The following PYHIN1 variants were observed in gnomAD, a reference collection of about 807,000 sequenced individuals.
The protein encoded by PYHIN1 is pyrin and HIN domain family member 1.
Under a neutral mutation model 43.7 loss-of-function variants are expected in PYHIN1, and 32 were observed. The ratio of observed to expected loss-of-function variants is 0.73; its 90% CI spans 0.55 to 0.98. The LOEUF (loss-of-function observed/expected upper bound fraction) is 0.98. Ranked by LOEUF, PYHIN1 falls within the 50% of genes least tolerant of loss-of-function variation. The pLI, the probability that PYHIN1 is intolerant of heterozygous loss-of-function variation, is 0.00. For missense variants in PYHIN1, 588 were observed against 589.5 expected, an observed-to-expected ratio of 1.00 and a Z score of 0.03; for synonymous variants, 205 against 203.1, an observed-to-expected ratio of 1.01 and a Z score of -0.08.
chr1:158,955,925 C>G (rs1369947661), intron 7 of PYHIN1, among the ~76,000 whole-genome samples: 1 of 92,240 alleles, frequency 1.1e-5, no homozygotes, highest in Middle Eastern at 4.5e-3. Context: ...GGGGATATCA[C>G]CACCGATCCC....
the PYHIN1 span, among the ~76,000 whole-genome samples, chr1:158,985,806 G>C: frequency 6.6e-6 from 1 of 151,978 alleles, no homozygotes; most frequent in Non-Finnish European, 1.5e-5. Context: ...TGTAGGTTTG[G>C]TCTCTTTACA....
intron 7 of PYHIN1, among the ~76,000 whole-genome samples, chr1:158,967,338 A>C (rs1206561120): frequency 1.3e-5 from 2 of 152,142 alleles, no homozygotes; most frequent in East Asian, 1.9e-4. Context: ...TTCATTTTTT[A>C]CATAAGGAAA....
chr1:158,970,844 A>G (rs1650893807), intron 7 of PYHIN1, among the ~76,000 whole-genome samples: 1 of 152,052 alleles, frequency 6.6e-6, no homozygotes, highest in African/African-American at 2.4e-5. Context: ...TATATTCTTT[A>G]TTGCATATCC....
At chr1:158,960,401 A>T (rs1254150902) in intron 7 of PYHIN1, among the ~76,000 whole-genome samples, 1 of 152,234 alleles carries the variant, frequency 6.6e-6, no homozygotes, top group Non-Finnish European at 1.5e-5. Flanking sequence ...CTTAATCACA[A>T]CCCTTGCTAA....
chr1:158,983,988 C>G, the PYHIN1 span, among the ~76,000 whole-genome samples: 1 of 145,226 alleles, frequency 6.9e-6, no homozygotes, highest in Non-Finnish European at 1.5e-5. Flanking sequence ...GGTAATGTCC[C>G]CTTTGTCATT....
chr1:158,989,406 C>G, the PYHIN1 span, among the ~76,000 whole-genome samples: 1 of 152,168 alleles, frequency 6.6e-6, no homozygotes, highest in East Asian at 1.9e-4. Flanking sequence ...CTCAGTTCCT[C>G]ACTTCTCATA....
At chr1:158,943,639 G>A (rs1649052778) in intron 5 of PYHIN1, 151 bp from the exon 6 acceptor site, 1 of 470,170 alleles carries the variant, frequency 2.1e-6, no homozygotes, top group Admixed American at 3.5e-5. Context: ...AGCTCTGTGA[G>A]ATGGTCTAGA....
chr1:158,932,953 T>C (rs1374869772), intron 1 of PYHIN1, among the ~76,000 whole-genome samples: 1 of 152,036 alleles, frequency 6.6e-6, no homozygotes, highest in Non-Finnish European at 1.5e-5. Flanking sequence ...TGTACTTGAC[T>C]AGAATATGAG....
Position 158,944,935 on chromosome 1 carries a change from CA to C in PYHIN1, c.1253del (p.Gln418ArgfsTer77), listed in dbSNP as rs1435075272. ...CAGGAGCATGGCACTACCCCAGGAACAGAGTCAGCATCCAAAACCTTCAGAG... is the reference window on the plus strand; with the variant it reads ...CAGGAGCATGGCACTACCCCAGGAACGAGTCAGCATCCAAAACCTTCAGAG... ...DSRSMALPQEQSQHPKPSEAS... is the reference protein window; with the variant it reads ...DSRSMALPQEXSQHPKPSEAS... On this transcript the variant is annotated frameshift_variant, in exon 7 of 9. Transcript: ENST00000368140. LOFTEE classifies it high-confidence loss of function. The C allele has an allele frequency of 1.9e-6, 3 of 1,613,636 alleles. No individual in the cohort carries two copies. The highest frequency in any genetic ancestry group is 2.5e-6 in the Non-Finnish European group (3 of 1,179,790).
chr1:158,983,122 C>T, the PYHIN1 span, among the ~76,000 whole-genome samples: 2 of 151,114 alleles, frequency 1.3e-5, no homozygotes, highest in South Asian at 2.2e-4. Flanking sequence ...TCTATTTGGA[C>T]GTCTTTTATT....
intron 2 of PYHIN1, 120 bp from the exon 3 acceptor site, chr1:158,938,277 G>GAT: frequency 9.3e-7 from 1 of 1,080,734 alleles, no homozygotes; most frequent in South Asian, 1.5e-5. Flanking sequence ...ATGCAATAGA[G>GAT]ATAGACTAAA....
At position 158,944,893 on chromosome 1, in the gene PYHIN1, C is replaced by A. The variant is rs748777159; in HGVS notation, c.1210C>A (p.Gln404Lys). The A allele has an allele frequency of 6.3e-7, 1 of 1,576,288 alleles. No individual in the cohort carries two copies. The highest frequency in any genetic ancestry group is 1.2e-5 in the South Asian group (1 of 84,052). The change falls in exon 7 of 9, where the codon CAG becomes AAG. Residue 404 changes from glutamine (Q) to lysine (K), a missense_variant. Coordinates refer to ENST00000368140, the MANE Select transcript of PYHIN1 (RefSeq NM_152501.5). Reference sequence around the variant, plus strand: ...CTTTCAGATACAGAAAAATACAAACCAGAGAAGCCATGACTCCAGGAGCAT... The same window carrying A: ...CTTTCAGATACAGAAAAATACAAACAAGAGAAGCCATGACTCCAGGAGCAT... ...SFIQIQKNTN[Q>K]RSHDSRSMAL...
At chr1:158,962,517 C>G (rs750011413) in intron 7 of PYHIN1, among the ~76,000 whole-genome samples, 1 of 152,226 alleles carries the variant, frequency 6.6e-6, no homozygotes, top group Non-Finnish European at 1.5e-5. Context: ...AGGACTCGAA[C>G]ACAATTACCC....
chr1:158,951,560 G>A (rs1649531379), intron 7 of PYHIN1, among the ~76,000 whole-genome samples: 1 of 152,106 alleles, frequency 6.6e-6, no homozygotes, highest in African/African-American at 2.4e-5. Flanking sequence ...TGAATTACGT[G>A]GTCTCCACCA....
intron 7 of PYHIN1, among the ~76,000 whole-genome samples, chr1:158,968,834 C>G (rs1010774901): frequency 6.7e-6 from 1 of 148,392 alleles, no homozygotes; most frequent in Non-Finnish European, 1.5e-5. Context: ...ATAAACAGAG[C>G]TAAACAATGA....
chr1:158,943,678 A>T, intron 5 of PYHIN1, 112 bp from the exon 6 acceptor site: 3 of 631,262 alleles, frequency 4.8e-6, no homozygotes, highest in Non-Finnish European at 8.2e-6. Context: ...ATGTCGATAC[A>T]GTACTAGGAG....
At chr1:158,964,067 T>C (rs1031369072) in intron 7 of PYHIN1, among the ~76,000 whole-genome samples, 6 of 151,828 alleles carry the variant, frequency 4.0e-5, no homozygotes, top group Non-Finnish European at 7.4e-5. Context: ...AGCTGAAAAA[T>C]ACATTACAAG....
intron 5 of PYHIN1, 79 bp downstream of exon 5, chr1:158,942,478 T>C (rs928455175): frequency 2.4e-5 from 28 of 1,156,652 alleles, no homozygotes; most frequent in Non-Finnish European, 3.3e-5. Context: ...AAATGGAAGT[T>C]TGCATATTAC....
At chr1:158,950,595 C>A (rs1649473770) in intron 7 of PYHIN1, among the ~76,000 whole-genome samples, 1 of 152,180 alleles carries the variant, frequency 6.6e-6, no homozygotes, top group South Asian at 2.1e-4. Context: ...TTCCATAAAA[C>A]TGAAGGTTTT....
Sources: gnomAD v4.1 joint callset for allele counts (sites outside exome capture counted in the v4.1 genomes callset) on GRCh38, gnomAD v4.1.1 for gene constraint, MANE v1.5 for transcripts, NCBI Gene and HGNC (gene_info 2026-07-23, HGNC 2026-07-21) for gene names.